VPS25: variants seen among roughly 807,000 people sequenced by gnomAD.
The protein encoded by VPS25 is vacuolar protein sorting 25 homolog.
Under a neutral mutation model 30.3 loss-of-function variants are expected in VPS25, and 21 were observed. The observed-to-expected ratio is 0.69, with a 90% CI of 0.49 to 1.00. The LOEUF is 1.00. VPS25 is among the 50% of genes least tolerant of loss of function. The pLI is 0.00. For synonymous variants in VPS25, 101 were observed against 88.1 expected, an observed-to-expected ratio of 1.15 and a Z score of -0.82; for missense variants, 156 against 217.2, an observed-to-expected ratio of 0.72 and a Z score of 1.77.
In VPS25 at chr17:42,779,054, C is replaced by T. The variant is rs750056053; in HGVS notation, c.516C>T (p.Gly172=). ...AEIITVSDGR[G]VKFF Reference sequence around the variant, plus strand: ...TCATCACTGTCAGCGATGGCCGAGGCGTCAAGTTCTTCTAGCAGGGACCTG... The same window carrying T: ...TCATCACTGTCAGCGATGGCCGAGGTGTCAAGTTCTTCTAGCAGGGACCTG... Residue 172 remains glycine (G), a synonymous_variant, in exon 6 of 6, where the codon GGC becomes GGT. Transcript: ENST00000253794. 49 of 1,613,876 alleles carry T rather than the reference C, an allele frequency of 3.0e-5. No homozygotes were observed. The highest frequency in any genetic ancestry group is 4.0e-5 in the Non-Finnish European group (47 of 1,179,840).
In VPS25 at chr17:42,773,830, G is replaced by A. The variant is rs1448681043; in HGVS notation, c.151G>A (p.Val51Met). 2 of 1,614,064 alleles carry A rather than the reference G, an allele frequency of 1.2e-6. No homozygotes were observed. Among genetic ancestry groups the A allele is most frequent in the East Asian group, 2.2e-5 (1 of 44,882 alleles). The change falls in exon 2 of 6, where the codon GTG becomes ATG. Residue 51 changes from valine (V) to methionine (M), a missense_variant. Val to Met is a conservative substitution (Grantham distance 21). Coordinates refer to ENST00000253794, the MANE Select transcript of VPS25 (RefSeq NM_032353.4). ...CRLHKQSSMT[V>M]MEAQESPLFN... ...CCTGCACAAACAGTCCAGCATGACG[G>A]TGATGGAAGCTCAGGAGAGCCCGCT...
At chr17:42,774,788 C>A in intron 3 of VPS25, 89 bp downstream of exon 3, 1 of 1,210,568 alleles carries the variant, frequency 8.3e-7, no homozygotes, top group Non-Finnish European at 1.2e-6. Flanking sequence ...CCTTTAATAA[C>A]TTTTTCTCTC....
At chr17:42,776,519 C>T (rs769683255) in intron 5 of VPS25, among the ~76,000 whole-genome samples, 199 bp downstream of exon 5, 1 of 151,658 alleles carries the variant, frequency 6.6e-6, no homozygotes, top group Non-Finnish European at 1.5e-5. Flanking sequence ...TGCGCCACCA[C>T]GCCTGGCTAA....
At chr17:42,774,794 C>A in intron 3 of VPS25, 95 bp downstream of exon 3, 1 of 1,182,048 alleles carries the variant, frequency 8.5e-7, no homozygotes, top group Non-Finnish European at 1.2e-6. Context: ...ATAACTTTTT[C>A]TCTCTCCTGG....
chr17:42,778,896 C>T, intron 5 of VPS25, 61 bp from the exon 6 acceptor site: 1 of 1,521,634 alleles, frequency 6.6e-7, no homozygotes. Flanking sequence ...AGCCAGAGCA[C>T]TCTCCTCAGA....
chr17:42,775,546 CG>C (rs2054431475), intron 4 of VPS25, 77 bp downstream of exon 4: 1 of 1,252,346 alleles, frequency 8.0e-7, no homozygotes, highest in Admixed American at 2.0e-5. Context: ...AGCAGATAGC[CG>C]GTGTTCCCAG....
intron 2 of VPS25, 59 bp downstream of exon 2, chr17:42,773,937 T>C: frequency 6.4e-7 from 1 of 1,553,142 alleles, no homozygotes; most frequent in Non-Finnish European, 8.7e-7. Context: ...CTTTCACACA[T>C]GCCCAGACGC....
At chr17:42,774,283 T>C in intron 2 of VPS25, 1 of 273,540 alleles carries the variant, frequency 3.7e-6, no homozygotes, top group Non-Finnish European at 6.8e-6. Flanking sequence ...GATTCATCCC[T>C]AAAATATCTG....
At chr17:42,776,178 C>A (rs2143964087) in intron 4 of VPS25, 67 bp from the exon 5 acceptor site, 1 of 1,361,710 alleles carries the variant, frequency 7.3e-7, no homozygotes, top group Admixed American at 1.7e-5. Flanking sequence ...AGGGGTGGAG[C>A]TGATGAATTT....
intron 4 of VPS25, among the ~76,000 whole-genome samples, chr17:42,775,811 TGCACTGTTATGGGACTGTCC>T (rs2054432459): frequency 6.6e-6 from 1 of 152,182 alleles, no homozygotes; most frequent in Admixed American, 6.5e-5. Flanking sequence ...CCTCCCCCAC[TGCACTGTTATGGGACTGTCC>T]ACAACATGAA....
At position 42,773,775 on chromosome 17, in the gene VPS25, C is replaced by G; in HGVS notation, c.96C>G (p.Ala32=). ...ACACTCGGCAGAAGCAGCTGGCCGC[C>G]TGGTGCTCGCTGGTCCTGTCCTTCT... ...NVDTRQKQLA[A]WCSLVLSFCR... is the part of the protein sequence containing the mutation. Residue 32 remains alanine (A), a synonymous_variant, in exon 2 of 6, where the codon GCC becomes GCG. Coordinates refer to ENST00000253794, the MANE Select transcript of VPS25 (RefSeq NM_032353.4). 1 of 1,614,198 alleles carries G rather than the reference C, an allele frequency of 6.2e-7. No homozygotes were observed. The highest frequency in any genetic ancestry group is 8.5e-7 in the Non-Finnish European group (1 of 1,180,046).
intron 5 of VPS25, among the ~76,000 whole-genome samples, chr17:42,777,810 G>A (rs747169580): frequency 6.6e-5 from 10 of 152,078 alleles, no homozygotes; most frequent in Admixed American, 3.3e-4. Flanking sequence ...CTTTTTCTCC[G>A]ACTCCAGATT....
chr17:42,773,612 GA>G, intron 1 of VPS25, 84 bp downstream of exon 1: 1 of 1,607,786 alleles, frequency 6.2e-7, no homozygotes, highest in Non-Finnish European at 8.5e-7. Flanking sequence ...TTCATATGGG[GA>G]GGGGGAGAAA....
chr17:42,774,040 G>A, intron 2 of VPS25, 162 bp downstream of exon 2: 1 of 805,956 alleles, frequency 1.2e-6, no homozygotes, highest in Non-Finnish European at 1.9e-6. Flanking sequence ...ATTTTCCCCT[G>A]GCAAATGCAG....
intron 5 of VPS25, among the ~76,000 whole-genome samples, chr17:42,777,304 C>T (rs1875893272): frequency 2.0e-5 from 3 of 152,196 alleles, no homozygotes; most frequent in African/African-American, 7.2e-5. Context: ...CACCTGAGGT[C>T]AGGAGTTCCA....
At chr17:42,775,029 C>A in intron 3 of VPS25, 1 of 367,498 alleles carries the variant, frequency 2.7e-6, no homozygotes. Flanking sequence ...CTCTTTGTTT[C>A]TTTTTAGTTC....
intron 5 of VPS25, 125 bp downstream of exon 5, chr17:42,776,445 C>T (rs1032012912): frequency 2.5e-6 from 2 of 798,484 alleles, no homozygotes; most frequent in East Asian, 2.8e-5. Flanking sequence ...TCACTGCAAC[C>T]TCCGCCTCCT....
intron 2 of VPS25, 49 bp downstream of exon 2, chr17:42,773,927 C>A: frequency 1.3e-6 from 2 of 1,574,716 alleles, no homozygotes; most frequent in Non-Finnish European, 1.7e-6. Context: ...CACTTCTGCG[C>A]TTTCACACAT....
intron 5 of VPS25, among the ~76,000 whole-genome samples, chr17:42,776,915 A>G (rs975067293): frequency 6.6e-6 from 1 of 152,234 alleles, no homozygotes; most frequent in Non-Finnish European, 1.5e-5. Flanking sequence ...ATGACCCATG[A>G]AAAGTTAAGA....
Sources: allele counts gnomAD v4.1 joint callset (sites outside exome capture counted in the v4.1 genomes callset), GRCh38; gene constraint gnomAD v4.1.1; transcripts MANE v1.5; gene names NCBI Gene and HGNC (gene_info 2026-07-23, HGNC 2026-07-21).